Variants in DHX30 observed in about 807,000 individuals in gnomAD.
The protein encoded by DHX30 is ATP-dependent RNA helicase DHX30.
DHX30 carries 4 observed loss-of-function variants against 116.9 expected under a neutral mutation model. That is an observed-to-expected ratio of 0.03 (90% confidence interval 0.02 to 0.08). The LOEUF is 0.08. Ranked by LOEUF, DHX30 falls within the 10% of genes least tolerant of loss-of-function variation. The pLI is 1.00. For missense variants in DHX30, 871 were observed against 1,595.1 expected (o/e 0.55, Z 7.73); for synonymous variants, 697 against 651.7 (o/e 1.07, Z -1.06).
In DHX30 at chr3:47,849,634, G is replaced by T. The variant is rs746074151; in HGVS notation, c.3196G>T (p.Ala1066Ser). The T allele has an allele frequency of 1.2e-6, 2 of 1,614,202 alleles. No individual in the cohort carries two copies. Residue 1066 changes from alanine to serine, a missense_variant, in exon 21 of 22, where the codon GCC becomes TCC. Coordinates refer to ENST00000445061, the MANE Select transcript of DHX30 (RefSeq NM_138615.3). ...CACCAGCCCTGTGTTCCCTAGGGAG[G>T]CCACACGGTTACGGAGCCGATGGCT... is the stretch of plus-strand genomic sequence containing the variant. Reference protein sequence around the residue: ...LLHKSTINREATRLRSRWLTY... With the variant: ...LLHKSTINRESTRLRSRWLTY...
chr3:47,820,783 T>C (rs1003754589), intron 4 of DHX30, among the ~76,000 whole-genome samples: 1 of 152,150 alleles, frequency 6.6e-6, no homozygotes, highest in Admixed American at 6.6e-5. Context: ...AGCCAGTAAA[T>C]GCTTTCTTTT....
chr3:47,847,760 GGT>G lies in DHX30; in HGVS notation c.2111-14_2111-13del. ...TCTGGTGGAAGCAGTGCCCATAACT[GGT>G]GTGTGTCTTGCCCACCAGTGCACTC... On this transcript the variant is annotated intron_variant, in intron 13 of 21. Coordinates refer to ENST00000445061, the MANE Select transcript of DHX30 (RefSeq NM_138615.3). This position sits in a 1 kb window ranked among gnomAD's most constrained non-coding sequence, Gnocchi z 5.5. 6.2e-7 allele frequency: 1 copy of G among 1,608,502 alleles called. No homozygotes were observed. The highest frequency in any genetic ancestry group is 1.1e-5 in the South Asian group (1 of 90,684).
chr3:47,835,981 T>G (rs1388204683), intron 6 of DHX30, among the ~76,000 whole-genome samples: 1 of 152,220 alleles, frequency 6.6e-6, no homozygotes, highest in African/African-American at 2.4e-5. Flanking sequence ...CCAGGAATGC[T>G]TCTTCCCAGC....
chr3:47,809,600 T>C (rs1456136264), intron 2 of DHX30, among the ~76,000 whole-genome samples: 3 of 152,178 alleles, frequency 2.0e-5, no homozygotes, highest in Non-Finnish European at 4.4e-5. Flanking sequence ...TGAAGTTTTC[T>C]CTGTGATATA....
chr3:47,813,968 A>AT (rs904947745), intron 3 of DHX30, among the ~76,000 whole-genome samples: 148 of 129,346 alleles, frequency 1.1e-3, no homozygotes, highest in Middle Eastern at 8.1e-3. Context: ...TGGGCAGCAC[A>AT]TTTTTTTTTT....
intron 4 of DHX30, among the ~76,000 whole-genome samples, chr3:47,821,388 C>G (rs1326106586): frequency 6.6e-6 from 1 of 152,154 alleles, no homozygotes; most frequent in African/African-American, 2.4e-5. Context: ...GCCCCAGCCC[C>G]CCGAGTACCG....
At chr3:47,817,862 G>T in intron 3 of DHX30, 160 bp from the exon 4 acceptor site, 5 of 708,236 alleles carry the variant, frequency 7.1e-6, no homozygotes, top group Non-Finnish European at 1.0e-5. Context: ...CCTGTGTGGC[G>T]TTGTTAGTGC....
At chr3:47,814,444 A>AG (rs1030421879) in intron 3 of DHX30, among the ~76,000 whole-genome samples, 2 of 149,772 alleles carry the variant, frequency 1.3e-5, no homozygotes, top group African/African-American at 4.9e-5. Context: ...AAAAAAAAAA[A>AG]AAAAGAAAAA....
intron 6 of DHX30, among the ~76,000 whole-genome samples, chr3:47,834,378 A>G (rs1160039881): frequency 1.3e-5 from 2 of 152,182 alleles, no homozygotes; most frequent in Non-Finnish European, 2.9e-5. Flanking sequence ...TGCTGGGATT[A>G]CAGGTGTGAG....
chr3:47,814,262 T>TA (rs34565553), intron 3 of DHX30, among the ~76,000 whole-genome samples: 9 of 146,756 alleles, frequency 6.1e-5, no homozygotes, highest in Admixed American at 6.9e-5. Context: ...CCGTCTCTAC[T>TA]AAAAAAAAAT....
Position 47,848,081 on chromosome 3 carries a change from C to T in DHX30, c.2287-99C>T. ...TCAGAAGGCCGCGCTTGTGGGGTCT[C>T]AGTGTTCCTGATGTAGGGGGCTGGT... On this transcript the variant is annotated intron_variant, in intron 14 of 21. Transcript: ENST00000445061. This position sits in a 1 kb window ranked among gnomAD's most constrained non-coding sequence, Gnocchi z 9.4. 1 of 1,583,922 alleles carries T rather than the reference C, an allele frequency of 6.3e-7. No individual in the cohort carries two copies. The highest frequency in any genetic ancestry group is 8.6e-7 in the Non-Finnish European group (1 of 1,158,506).
chr3:47,841,768 G>A (rs367818446), intron 8 of DHX30, 31 bp downstream of exon 8: 23 of 1,613,918 alleles, frequency 1.4e-5, no homozygotes, highest in Non-Finnish European at 1.8e-5. Context: ...GTTTGTGTGG[G>A]GGCCGTTTAC....
chr3:47,829,941 C>A (rs1475586645), intron 6 of DHX30, among the ~76,000 whole-genome samples: 1 of 151,544 alleles, frequency 6.6e-6, no homozygotes, highest in Non-Finnish European at 1.5e-5. Context: ...ATGCCATTCT[C>A]CTGCCTCAGC....
In DHX30 at chr3:47,848,579, G is replaced by C; in HGVS notation, c.2575+29G>C. The stretch of plus-strand genomic sequence containing the variant: ...TGTAGGGGCTGGGCTGGGCTGGGCT[G>C]GGGAGTGGCTCTCGAGGGTGGTACT... On this transcript the variant is annotated intron_variant, in intron 16 of 21. Transcript: ENST00000445061. The surrounding 1 kb of genome is among the most constrained non-coding windows in gnomAD (Gnocchi z 9.4). 6.2e-7 allele frequency: 1 copy of C among 1,614,054 alleles called. No individual in the cohort carries two copies. Among genetic ancestry groups the C allele is most frequent in the Non-Finnish European group, 8.5e-7 (1 of 1,179,996 alleles).
rs937452422 is a variant in DHX30, at chr3:47,811,941, A to G, written c.28+1230A>G. The stretch of plus-strand genomic sequence containing the variant: ...TATCCAGGCGTGGCAGTCTGCGCCT[A>G]TAGTCCCAGCTACTTGGGAGGCTGA... On this transcript the variant is annotated intron_variant, in intron 3 of 21. Transcript: ENST00000445061. Among the ~76,000 whole-genome samples, 104 of 151,688 alleles carry G rather than the reference A, an allele frequency of 6.9e-4. 1 individual carries two copies. The highest frequency in any genetic ancestry group is 1.5e-4 in the Non-Finnish European group (10 of 67,922).
intron 4 of DHX30, among the ~76,000 whole-genome samples, chr3:47,820,333 G>A (rs1459258238): frequency 6.6e-6 from 1 of 151,828 alleles, no homozygotes; most frequent in African/African-American, 2.4e-5. Flanking sequence ...AAAGAGACCT[G>A]CGGCTTATGT....
intron 4 of DHX30, among the ~76,000 whole-genome samples, chr3:47,823,186 A>C (rs1284965799): frequency 6.6e-6 from 1 of 151,928 alleles, no homozygotes; most frequent in African/African-American, 2.4e-5. Context: ...CTATGAGAAC[A>C]ATATGGGAGA....
Position 47,818,162 on chromosome 3 carries a change from T to G in DHX30, c.124+45T>G, listed in dbSNP as rs752134153. 4.0e-6 allele frequency: 3 copies of G among 757,064 alleles called. No individual in the cohort carries two copies. In the African/African-American group the frequency reaches 5.1e-5, roughly 13 times the overall value. The allele number at this position is 757,064 out of a possible 1,614,324, so 46.9% of individuals were successfully genotyped here. A position where few individuals can be genotyped will look rare whatever the true frequency, so the allele number is the denominator to read the frequency against. On this transcript the variant is annotated intron_variant, in intron 4 of 21. Coordinates refer to ENST00000445061, the MANE Select transcript of DHX30 (RefSeq NM_138615.3). ...TCCAGCAACAGCTTGGTCCAGGGTCTGTGGGGAGGTGGGTGGCAATGGGAG... is the reference window on the plus strand; with the variant it reads ...TCCAGCAACAGCTTGGTCCAGGGTCGGTGGGGAGGTGGGTGGCAATGGGAG...
At chr3:47,813,872 T>C (rs535496599) in intron 3 of DHX30, among the ~76,000 whole-genome samples, 1 of 151,764 alleles carries the variant, frequency 6.6e-6, no homozygotes, top group East Asian at 1.9e-4. Flanking sequence ...TTGAAAAAAT[T>C]TATTTCTGTC....
Sources: allele counts gnomAD v4.1 joint callset (sites outside exome capture counted in the v4.1 genomes callset), GRCh38; gene constraint gnomAD v4.1.1; non-coding constraint Gnocchi (gnomAD v3.1); transcripts MANE v1.5; gene names NCBI Gene and HGNC (gene_info 2026-07-23, HGNC 2026-07-21).